APIP: variants seen among roughly 807,000 people sequenced by gnomAD.
APIP encodes methylthioribulose-1-phosphate dehydratase.
A neutral mutation model predicts 32.0 loss-of-function variants in APIP; 32 were observed. The ratio of observed to expected loss-of-function variants is 1.00; its 90% CI spans 0.76 to 1.34. The LOEUF (loss-of-function observed/expected upper bound fraction) is 1.34. Ranked by LOEUF, APIP falls within the 40% of genes most tolerant of loss-of-function variation. The pLI, the probability that APIP is intolerant of heterozygous loss-of-function variation, is 0.00. For synonymous variants in APIP, 92 were observed against 94.8 expected, an observed-to-expected ratio of 0.97 and a Z score of 0.17; for missense variants, 247 against 298.6, an observed-to-expected ratio of 0.83 and a Z score of 1.27.
At chr11:34,896,703 C>A in intron 1 of APIP, 1 of 1,135,630 alleles carries the variant, frequency 8.8e-7, no homozygotes. Flanking sequence ...CACACGTATC[C>A]CAGAACTTAA....
intron 1 of APIP, among the ~76,000 whole-genome samples, chr11:34,908,017 T>A (rs1853485372): frequency 6.6e-6 from 1 of 152,184 alleles, no homozygotes; most frequent in Non-Finnish European, 1.5e-5. Context: ...CAGGTTTTCC[T>A]GGAAGACTCT....
intron 2 of APIP, among the ~76,000 whole-genome samples, chr11:34,894,415 G>GAGCCT (rs1403289076): frequency 1.4e-5 from 2 of 142,964 alleles, no homozygotes; most frequent in Admixed American, 1.5e-4. Context: ...TGGGTTGCTT[G>GAGCCT]AGCCTAGGAG....
At position 34,883,499 on chromosome 11, in the gene APIP, T is replaced by A; in HGVS notation, c.467A>T (p.Asp156Val). Reference sequence around the variant, plus strand: ...AATAATGGGTACCACTAACATATCATCATATCTGTAAGACAAAACAAGCCA... The same window carrying A: ...AATAATGGGTACCACTAACATATCAACATATCTGTAAGACAAAACAAGCCA... ...KCTSGGYYRY[D>V]DMLVVPIIEN... The change falls in exon 6 of 7, where the codon GAT (aspartate) becomes GTT (valine). Residue 156 changes from aspartate to valine, a missense_variant. Coordinates refer to ENST00000395787, the MANE Select transcript of APIP (RefSeq NM_015957.4). 6.2e-7 allele frequency: 1 copy of A among 1,613,246 alleles called. No homozygotes were observed. The highest frequency in any genetic ancestry group is 2.2e-5 in the East Asian group (1 of 44,874).
At chr11:34,896,761 C>A (rs1853279401) in intron 1 of APIP, 1 of 1,276,108 alleles carries the variant, frequency 7.8e-7, no homozygotes, top group East Asian at 5.6e-5. Flanking sequence ...ATGAGACTAC[C>A]TGGGAGAGAA....
intron 1 of APIP, among the ~76,000 whole-genome samples, chr11:34,912,424 T>C (rs1372200669): frequency 6.6e-6 from 1 of 152,218 alleles, no homozygotes; most frequent in African/African-American, 2.4e-5. Context: ...AATCCAGTTC[T>C]CTCTCCTAGC....
chr11:34,901,958 C>T (rs1315971774), intron 1 of APIP, among the ~76,000 whole-genome samples: 1 of 152,172 alleles, frequency 6.6e-6, no homozygotes, highest in Non-Finnish European at 1.5e-5. Flanking sequence ...TCCTCAAACC[C>T]TTTAATAGCC....
At chr11:34,886,702 T>TA (rs1043194073) in intron 5 of APIP, among the ~76,000 whole-genome samples, 8 of 152,216 alleles carry the variant, frequency 5.3e-5, no homozygotes, top group African/African-American at 1.9e-4. Context: ...ATTTTTTTTT[T>TA]ACCAAACCTT....
intron 1 of APIP, among the ~76,000 whole-genome samples, chr11:34,900,817 T>C (rs146560312): frequency 9.5e-4 from 144 of 152,206 alleles, no homozygotes; most frequent in Middle Eastern, 3.4e-3. Context: ...TTAAGGTGTG[T>C]ATTAGAGGGC....
At chr11:34,889,061 ATAAT>A (rs1176610820) in intron 3 of APIP, among the ~76,000 whole-genome samples, 192 bp from the exon 4 acceptor site, 1 of 152,076 alleles carries the variant, frequency 6.6e-6, no homozygotes, top group Non-Finnish European at 1.5e-5. Context: ...TTTTAAATAT[ATAAT>A]TATAGTTTCT....
chr11:34,916,346 C>T lies in APIP; in HGVS notation c.-62G>A, dbSNP rs897512132. On this transcript the variant is annotated 5_prime_UTR_variant, in exon 1 of 7. Coordinates refer to ENST00000395787, the MANE Select transcript of APIP (RefSeq NM_015957.4). ...GCACGGCTTTGCGCGCGGCGCTTAG[C>T]CTGGGATACGGCAGCGAGGCCGCAA... The T allele has an allele frequency of 6.3e-7, 1 of 1,594,426 alleles. No individual in the cohort carries two copies. Among genetic ancestry groups the T allele is most frequent in the African/African-American group, 1.3e-5 (1 of 74,452 alleles).
At chr11:34,891,578 G>C (rs117623336) in intron 2 of APIP, among the ~76,000 whole-genome samples, 2 of 152,116 alleles carry the variant, frequency 1.3e-5, no homozygotes, top group African/African-American at 4.8e-5. Context: ...CTGAAGTTCA[G>C]GTTGCTAATA....
intron 1 of APIP, among the ~76,000 whole-genome samples, chr11:34,908,161 CA>C (rs1228781404): frequency 5.3e-5 from 8 of 152,168 alleles, no homozygotes; most frequent in Non-Finnish European, 1.0e-4. Context: ...CCTGACTTAG[CA>C]AAACTGGATA....
rs1852981641 is a variant in APIP, at chr11:34,882,444, G to T, written c.*273C>A. On this transcript the variant is annotated 3_prime_UTR_variant, in exon 7 of 7. Transcript: ENST00000395787. ...ATTCTCTGAGAGTATATATAAAAAA[G>T]AAATTAAAGGCAAATATTTTGCTGT... 1.0e-5 allele frequency: 2 copies of T among 192,918 alleles called. No individual in the cohort carries two copies. The highest frequency in any genetic ancestry group is 2.1e-5 in the Non-Finnish European group (2 of 95,072). 12.0% of individuals were successfully genotyped at this position (192,918 alleles called of 1,614,324 possible).
chr11:34,883,073 C>T (rs1377781431), intron 6 of APIP, among the ~76,000 whole-genome samples: 1 of 152,128 alleles, frequency 6.6e-6, no homozygotes, highest in Non-Finnish European at 1.5e-5. Context: ...CATAAATTTA[C>T]ATTTTTTTTA....
intron 2 of APIP, among the ~76,000 whole-genome samples, chr11:34,894,172 C>T (rs1853227536): frequency 6.6e-6 from 1 of 152,096 alleles, no homozygotes; most frequent in Non-Finnish European, 1.5e-5. Context: ...TAAATAAATA[C>T]AATGAGCAAT....
intron 5 of APIP, among the ~76,000 whole-genome samples, chr11:34,885,407 A>G (rs2985396): frequency 0.6 from 90,995 of 151,486 alleles, 28,384 homozygotes; most frequent in East Asian, 0.74. Flanking sequence ...ATACCTGCAC[A>G]GACCTGGTGG....
chr11:34,902,500 G>GATTA (rs1265461895), intron 1 of APIP, among the ~76,000 whole-genome samples: 256 of 152,076 alleles, frequency 1.7e-3, no homozygotes, highest in African/African-American at 5.6e-3. Context: ...ACTGTCCAAG[G>GATTA]GGACCAGAGT....
intron 2 of APIP, among the ~76,000 whole-genome samples, chr11:34,894,485 A>C (rs1185117150): frequency 6.6e-6 from 1 of 151,254 alleles, no homozygotes; most frequent in Non-Finnish European, 1.5e-5. Context: ...AAAAAAAAAA[A>C]AACCCCAGAA....
intron 1 of APIP, among the ~76,000 whole-genome samples, chr11:34,907,100 C>T (rs1853472189): frequency 1.3e-5 from 2 of 152,120 alleles, no homozygotes; most frequent in African/African-American, 4.8e-5. Flanking sequence ...TGCCCAAAAC[C>T]CCCTAACAGC....
Sources: gnomAD v4.1 joint callset for allele counts (sites outside exome capture counted in the v4.1 genomes callset) on GRCh38, gnomAD v4.1.1 for gene constraint, MANE v1.5 for transcripts, NCBI Gene and HGNC (gene_info 2026-07-23, HGNC 2026-07-21) for gene names.